PCDH7: variants seen among roughly 807,000 people sequenced by gnomAD.
The protein encoded by PCDH7 is protocadherin-7.
PCDH7 carries 17 observed loss-of-function variants against 58.9 expected under a neutral mutation model. The observed-to-expected ratio is 0.29, with a 90% CI of 0.20 to 0.43. The LOEUF is 0.43. Ranked by LOEUF, PCDH7 falls within the 20% of genes least tolerant of loss-of-function variation. The pLI is 1.00. For missense variants in PCDH7, 1,274 were observed against 1,441.0 expected (o/e 0.88, Z 1.88); for synonymous variants, 664 against 616.4 (o/e 1.08, Z -1.14).
intron 1 of PCDH7, among the ~76,000 whole-genome samples, chr4:30,788,719 T>A (rs1211969730): frequency 7.9e-5 from 12 of 151,970 alleles, no homozygotes; most frequent in African/African-American, 2.9e-4. Context: ...TTTGACTGAG[T>A]TAATTATGAG....
chr4:31,125,201 G>A (rs758714683), intron 3 of PCDH7, among the ~76,000 whole-genome samples: 1 of 152,152 alleles, frequency 6.6e-6, no homozygotes, highest in Non-Finnish European at 1.5e-5. Context: ...CTGAGGGACA[G>A]CTGTGGGAGA....
chr4:30,882,201 C>A (rs1327273848), intron 1 of PCDH7, among the ~76,000 whole-genome samples: 1 of 149,442 alleles, frequency 6.7e-6, no homozygotes, highest in East Asian at 2.0e-4. Flanking sequence ...TCCCCTTCCT[C>A]CTCCTCTTCC....
intron 1 of PCDH7, among the ~76,000 whole-genome samples, chr4:30,806,345 C>T (rs1220738915): frequency 1.3e-5 from 2 of 151,784 alleles, no homozygotes; most frequent in African/African-American, 4.9e-5. Flanking sequence ...CGCTCTGTCA[C>T]CCAGGCTGGA....
intron 1 of PCDH7, among the ~76,000 whole-genome samples, chr4:30,798,970 A>G (rs1725154863): frequency 6.6e-6 from 1 of 152,244 alleles, no homozygotes; most frequent in South Asian, 2.1e-4. Context: ...TCTGTAGTTT[A>G]TAGGACTCAC....
chr4:31,126,127 T>G (rs1471269994), intron 3 of PCDH7, among the ~76,000 whole-genome samples: 1 of 101,716 alleles, frequency 9.8e-6, no homozygotes. Context: ...ATATCCTTTC[T>G]TTTTTTTTTT....
intron 3 of PCDH7, among the ~76,000 whole-genome samples, chr4:30,997,728 G>A (rs1752029774): frequency 6.6e-6 from 1 of 152,072 alleles, no homozygotes; most frequent in South Asian, 2.1e-4. Context: ...ATAGCGTGTT[G>A]GAGGTGATAA....
intron 3 of PCDH7, among the ~76,000 whole-genome samples, chr4:31,014,627 A>G (rs1753465583): frequency 6.6e-6 from 1 of 152,252 alleles, no homozygotes; most frequent in Admixed American, 6.5e-5. Flanking sequence ...TATGTTTAAA[A>G]TATTAAATGA....
intron 1 of PCDH7, among the ~76,000 whole-genome samples, chr4:30,848,059 G>A (rs968624708): frequency 3.3e-5 from 5 of 152,056 alleles, no homozygotes; most frequent in African/African-American, 9.7e-5. Context: ...AGATGGATTG[G>A]ATTATTTATG....
chr4:30,823,209 G>T (rs1364348220), intron 1 of PCDH7, among the ~76,000 whole-genome samples: 1 of 152,060 alleles, frequency 6.6e-6, no homozygotes, highest in Non-Finnish European at 1.5e-5. Context: ...AAATATGGAG[G>T]CATGATTTGG....
At position 31,095,143 on chromosome 4, in the gene PCDH7, A is replaced by G. The variant is rs549599932; in HGVS notation, c.*8-47330A>G. On this transcript the variant is annotated intron_variant, in intron 3 of 3. Transcript: ENST00000509759. ...TTTTTTTTTTTATGGCTAAAACCTT[A>G]GCTTTAAATATCTCTGGCACCATTT... Among the ~76,000 whole-genome samples the G allele has an allele frequency of 1.1e-3, 169 of 152,178 alleles. 3 individuals are homozygous for G. The South Asian group carries it at 0.016, about 14-fold the overall frequency.
chr4:31,092,184 A>T (rs1713342992), intron 3 of PCDH7, among the ~76,000 whole-genome samples: 1 of 152,084 alleles, frequency 6.6e-6, no homozygotes, highest in Non-Finnish European at 1.5e-5. Context: ...TCTAAAATGT[A>T]CGTATTTCTA....
intron 3 of PCDH7, among the ~76,000 whole-genome samples, chr4:31,092,964 A>T (rs957253946): frequency 1.3e-5 from 2 of 152,022 alleles, no homozygotes; most frequent in Non-Finnish European, 2.9e-5. Flanking sequence ...TCTGTCATTT[A>T]TCTTGTATCT....
intron 3 of PCDH7, among the ~76,000 whole-genome samples, chr4:31,041,552 G>T (rs1181273568): frequency 6.6e-6 from 1 of 152,074 alleles, no homozygotes; most frequent in Admixed American, 6.6e-5. Flanking sequence ...GAAGGAGCAC[G>T]ACACAGAAGG....
intron 1 of PCDH7, among the ~76,000 whole-genome samples, chr4:30,725,831 A>T (rs1391103089): frequency 6.6e-6 from 1 of 152,138 alleles, no homozygotes; most frequent in Non-Finnish European, 1.5e-5. Flanking sequence ...AGAAAGAGAT[A>T]TGAATTCTTA....
At chr4:30,982,253 G>T (rs2109111832) in intron 3 of PCDH7, among the ~76,000 whole-genome samples, 1 of 152,280 alleles carries the variant, frequency 6.6e-6, no homozygotes, top group African/African-American at 2.4e-5. Context: ...GCCAAGGGGA[G>T]TGTGAAGGGA....
At chr4:31,026,694 T>G (rs1754460473) in intron 3 of PCDH7, among the ~76,000 whole-genome samples, 1 of 152,204 alleles carries the variant, frequency 6.6e-6, no homozygotes, top group Non-Finnish European at 1.5e-5. Flanking sequence ...TTATTGATAT[T>G]TGTAACACCT....
chr4:30,759,074 T>A (rs1719700239), intron 1 of PCDH7, among the ~76,000 whole-genome samples: 1 of 151,712 alleles, frequency 6.6e-6, no homozygotes, highest in Non-Finnish European at 1.5e-5. Context: ...CCCGAGTAGT[T>A]GGGATTACAG....
At position 30,836,381 on chromosome 4, in the gene PCDH7, T is replaced by C. The variant is rs1207504847; in HGVS notation, c.71-83772T>C. Among the ~76,000 whole-genome samples, 7 of 152,254 alleles carry C rather than the reference T, an allele frequency of 4.6e-5. No homozygotes were observed. In the South Asian group the frequency reaches 1.0e-3, roughly 23 times the overall value. On this transcript the variant is annotated intron_variant, in intron 1 of 3. Transcript: ENST00000509759. Reference sequence around the variant, plus strand: ...GGATCCACAGGAGGAAGTGACCATATGAAATAGAAAACCACGTAACTAACA... The same window carrying C: ...GGATCCACAGGAGGAAGTGACCATACGAAATAGAAAACCACGTAACTAACA...
At chr4:30,837,854 A>G (rs986175150) in intron 1 of PCDH7, among the ~76,000 whole-genome samples, 7 of 147,966 alleles carry the variant, frequency 4.7e-5, no homozygotes, top group Non-Finnish European at 1.0e-4. Flanking sequence ...TTGATTTTAT[A>G]TATATAATCA....
Sources: gnomAD v4.1 joint callset for allele counts (sites outside exome capture counted in the v4.1 genomes callset) on GRCh38, gnomAD v4.1.1 for gene constraint, MANE v1.5 for transcripts, NCBI Gene and HGNC (gene_info 2026-07-23, HGNC 2026-07-21) for gene names.